Variants in ACYP2 observed in about 807,000 individuals in gnomAD.
ACYP2 encodes acylphosphatase-2.
A neutral mutation model predicts 11.2 loss-of-function variants in ACYP2; 12 were observed. That is an observed-to-expected ratio of 1.08 (90% CI 0.69 to 1.74). The LOEUF is 1.74. Among genes scored for constraint, ACYP2 ranks in the 40% most tolerant of loss-of-function variants. The probability of loss-of-function intolerance (pLI) is 0.00; values close to 1 mark genes in which losing one functional copy is unlikely to be tolerated. For missense variants in ACYP2, 134 were observed against 101.9 expected, an observed-to-expected ratio of 1.31 and a Z score of -1.35; for synonymous variants, 43 against 32.2, an observed-to-expected ratio of 1.33 and a Z score of -1.13.
At chr2:54,162,665 A>G (rs1292201719) in intron 6 of ACYP2, among the ~76,000 whole-genome samples, 2 of 152,078 alleles carry the variant, frequency 1.3e-5, no homozygotes, top group African/African-American at 4.8e-5. Flanking sequence ...ACCTACATAA[A>G]AAAATTTCCT....
At chr2:54,236,025 TG>T (rs1271818901) in intron 6 of ACYP2, among the ~76,000 whole-genome samples, 3 of 152,176 alleles carry the variant, frequency 2.0e-5, no homozygotes, top group African/African-American at 7.2e-5. Flanking sequence ...ATTGTATTTT[TG>T]TTTTCTGTTT....
intron 4 of ACYP2, among the ~76,000 whole-genome samples, chr2:54,133,006 A>C (rs1205210047): frequency 6.6e-6 from 1 of 152,164 alleles, no homozygotes; most frequent in African/African-American, 2.4e-5. Context: ...GGCCTCCCAA[A>C]GTGCTGGGAT....
In ACYP2 at chr2:54,045,539, G is replaced by A. The variant is rs927063621; in HGVS notation, c.63-5419G>A. Among the ~76,000 whole-genome samples the A allele has an allele frequency of 3.9e-5, 6 of 152,272 alleles. No individual in the cohort carries two copies. The South Asian group carries it at 1.2e-3, about 32-fold the overall frequency. ...CTCATAAAATTGTGGAACACTGGCT[G>A]GGCATGTTGGCTCACACCTGTAATC... On this transcript the variant is annotated intron_variant, in intron 2 of 6. Transcript: ENST00000607452.
intron 4 of ACYP2, chr2:54,065,922 G>C (rs1279461037): frequency 6.2e-6 from 1 of 161,210 alleles, no homozygotes; most frequent in Non-Finnish European, 1.3e-5. Flanking sequence ...GGTGTTCAGA[G>C]CCTCTTCTTT....
chr2:53,994,091 G>T (rs891738422), intron 2 of ACYP2, among the ~76,000 whole-genome samples: 12 of 152,130 alleles, frequency 7.9e-5, no homozygotes, highest in Non-Finnish European at 1.8e-4. Context: ...AGCACTTTGG[G>T]AGTCCAAGGC....
intron 2 of ACYP2, among the ~76,000 whole-genome samples, chr2:54,006,766 A>G (rs927673226): frequency 2.6e-5 from 4 of 152,080 alleles, no homozygotes; most frequent in Non-Finnish European, 5.9e-5. Flanking sequence ...TGTAGAAACA[A>G]TTGGGGAAGC....
At chr2:54,171,570 C>T (rs1177089373) in intron 6 of ACYP2, among the ~76,000 whole-genome samples, 3 of 152,168 alleles carry the variant, frequency 2.0e-5, no homozygotes, top group Non-Finnish European at 4.4e-5. Flanking sequence ...GAGAGCAACT[C>T]TGTTGTTTTC....
chr2:53,978,429 A>G (rs1671599035), intron 2 of ACYP2, among the ~76,000 whole-genome samples: 1 of 152,194 alleles, frequency 6.6e-6, no homozygotes, highest in Non-Finnish European at 1.5e-5. Flanking sequence ...CAGCATAATG[A>G]TGTTTTGGTC....
chr2:53,995,488 T>TTTTTTTTATTTA (rs1553350325), intron 2 of ACYP2, among the ~76,000 whole-genome samples: 1 of 145,070 alleles, frequency 6.9e-6, no homozygotes, highest in South Asian at 2.2e-4. Flanking sequence ...TTTATTTATT[T>TTTTTTTTATTTA]TTTATTTATT....
intron 6 of ACYP2, among the ~76,000 whole-genome samples, chr2:54,241,019 A>AT (rs957528607): frequency 2.6e-5 from 4 of 152,054 alleles, no homozygotes; most frequent in African/African-American, 9.7e-5. Context: ...GGCAGCCTTT[A>AT]TTTGTATTCC....
intron 2 of ACYP2, among the ~76,000 whole-genome samples, chr2:54,014,728 A>C (rs1673584662): frequency 6.6e-6 from 1 of 152,028 alleles, no homozygotes; most frequent in Non-Finnish European, 1.5e-5. Context: ...ATTTGTAAAA[A>C]AAAAATTTTT....
At chr2:54,194,040 T>G (rs1187004411) in intron 6 of ACYP2, among the ~76,000 whole-genome samples, 1 of 152,130 alleles carries the variant, frequency 6.6e-6, no homozygotes, top group Non-Finnish European at 1.5e-5. Flanking sequence ...CATCAACATT[T>G]TCTTTTTTTT....
chr2:54,144,185 C>T lies in ACYP2; in HGVS notation c.404+5437C>T, dbSNP rs183351042. Among the ~76,000 whole-genome samples, 785 of 151,902 alleles carry T rather than the reference C, an allele frequency of 5.2e-3. 4 individuals are homozygous for T. The highest frequency in any genetic ancestry group is 0.027 in the Middle Eastern group (8 of 292). On this transcript the variant is annotated intron_variant, in intron 6 of 6. Coordinates refer to ENST00000607452, the MANE Select transcript of ACYP2 (RefSeq NM_001320586.2). The stretch of plus-strand genomic sequence containing the variant: ...GTGAGGTCTCATTACGTTGCCCAGG[C>T]TGGTGTTGAACTTCTGAGCTCAAAC...
At chr2:54,094,779 C>G (rs1468284948) in intron 4 of ACYP2, among the ~76,000 whole-genome samples, 2 of 152,064 alleles carry the variant, frequency 1.3e-5, no homozygotes, top group Non-Finnish European at 2.9e-5. Context: ...CTCAAGTGAT[C>G]CGCCCACCTC....
In ACYP2 at chr2:54,172,397, C is replaced by A. The variant is rs576091527; in HGVS notation, c.404+33649C>A. Among the ~76,000 whole-genome samples the A allele has an allele frequency of 2.6e-5, 4 of 152,222 alleles. No individual in the cohort carries two copies. In the East Asian group the frequency reaches 5.8e-4, roughly 22 times the overall value. On this transcript the variant is annotated intron_variant, in intron 6 of 6. Transcript: ENST00000607452. ...TTGTTTATGAACACATTTGTACCAA[C>A]TGAAGTGTTGGCCTTGGTTGAATTT...
intron 6 of ACYP2, among the ~76,000 whole-genome samples, chr2:54,191,200 C>T (rs1304708242): frequency 6.6e-6 from 1 of 152,096 alleles, no homozygotes; most frequent in East Asian, 1.9e-4. Context: ...CCCTTTCACT[C>T]AGAATAAAAC....
chr2:54,201,621 TTTG>T (rs1229828934), intron 6 of ACYP2, among the ~76,000 whole-genome samples: 2,646 of 112,504 alleles, frequency 0.024, 144 homozygotes, highest in African/African-American at 0.074. Flanking sequence ...TCTTTCTTTC[TTTG>T]TTTCTTTCTT....
intron 6 of ACYP2, among the ~76,000 whole-genome samples, chr2:54,197,617 T>C (rs532112365): frequency 6.6e-6 from 1 of 152,012 alleles, no homozygotes; most frequent in Non-Finnish European, 1.5e-5. Flanking sequence ...GAGACCCCAA[T>C]GGCAAGGAGA....
At chr2:54,084,613 A>T (rs1288284418) in intron 4 of ACYP2, 1 of 152,204 alleles carries the variant, frequency 6.6e-6, no homozygotes, top group Non-Finnish European at 1.5e-5. Context: ...TTTACTCATA[A>T]ATAACTCAGA....
Sources: allele counts gnomAD v4.1 joint callset (sites outside exome capture counted in the v4.1 genomes callset), GRCh38; gene constraint gnomAD v4.1.1; transcripts MANE v1.5; gene names NCBI Gene and HGNC (gene_info 2026-07-23, HGNC 2026-07-21).